EDARADD: variants seen among roughly 807,000 people sequenced by gnomAD.
EDARADD encodes the protein EDAR associated via death domain.
In EDARADD, 20 loss-of-function variants were observed where a neutral mutation model predicts 25.6. The observed-to-expected ratio is 0.78, with a 90% confidence interval of 0.55 to 1.14. The LOEUF is 1.14. Ranked by LOEUF, EDARADD falls within the 50% of genes most tolerant of loss-of-function variation. The pLI, the probability that EDARADD is intolerant of heterozygous loss-of-function variation, is 0.00. For synonymous variants in EDARADD, 86 were observed against 94.4 expected (o/e 0.91, Z 0.52); for missense variants, 225 against 270.1 (o/e 0.83, Z 1.17).
At chr1:236,454,931 G>A (rs1658814548) in intron 4 of EDARADD, among the ~76,000 whole-genome samples, 1 of 152,226 alleles carries the variant, frequency 6.6e-6, no homozygotes, top group Admixed American at 6.5e-5. Context: ...GGATGGAAAG[G>A]CCGTGTGTGG....
rs189723731 is a variant in EDARADD at position 236,428,508 on chromosome 1, G to A, written c.219+1058G>A. Among the ~76,000 whole-genome samples the A allele has an allele frequency of 4.9e-3, 749 of 152,066 alleles. 9 individuals are homozygous for A. The highest frequency in any genetic ancestry group is 0.017 in the African/African-American group (715 of 41,492). ...GGGTACACCGCCCAGACGGGGTGGC[G>A]GCCGGGCAGAGGGGCTCCTCACTTC... On this transcript the variant is annotated intron_variant, in intron 4 of 5. Transcript: ENST00000334232.
At chr1:236,392,491 ATTTTTT>A (rs10649367), upstream of EDARADD, among the ~76,000 whole-genome samples, 1 of 139,630 alleles carries the variant, frequency 7.2e-6, no homozygotes, top group African/African-American at 2.7e-5. Flanking sequence ...TGCTCAGCTA[ATTTTTT>A]TTTTTTTTTG....
At chr1:236,427,496 C>A in intron 4 of EDARADD, 46 bp downstream of exon 4, 1 of 1,543,922 alleles carries the variant, frequency 6.5e-7, no homozygotes, top group Non-Finnish European at 8.8e-7. Flanking sequence ...ACATGATAAT[C>A]CACCTAAAAT....
chr1:236,464,426 T>G (rs12748071), intron 4 of EDARADD, among the ~76,000 whole-genome samples: 16,249 of 75,784 alleles, frequency 0.21, 1,247 homozygotes, highest in Middle Eastern at 0.28. Flanking sequence ...GCTGCAACTT[T>G]TTTTTTTTTT....
In EDARADD at chr1:236,482,553, G is replaced by A; in HGVS notation, c.552G>A (p.Arg184=). ...RTVGQLMELC[R]LYHRADVEKV... ...TGGGCCAGCTGATGGAGCTCTGCAGGCTCTACCACAGGGCCGACGTGGAGA... is the reference window on the plus strand; with the variant it reads ...TGGGCCAGCTGATGGAGCTCTGCAGACTCTACCACAGGGCCGACGTGGAGA... Residue 184 remains arginine (R), a synonymous_variant, in exon 6 of 6, where the codon AGG becomes AGA. Coordinates refer to ENST00000334232, the MANE Select transcript of EDARADD (RefSeq NM_145861.4). The A allele has an allele frequency of 1.2e-6, 2 of 1,613,774 alleles. No homozygotes were observed. Among genetic ancestry groups the A allele is most frequent in the South Asian group, 1.1e-5 (1 of 91,060 alleles).
intron 3 of EDARADD, among the ~76,000 whole-genome samples, chr1:236,422,668 C>CTCT (rs1409185137): frequency 2.0e-5 from 3 of 152,208 alleles, no homozygotes; most frequent in African/African-American, 7.2e-5. Context: ...ATTCCCATTG[C>CTCT]TCTTCACTCA....
intron 4 of EDARADD, among the ~76,000 whole-genome samples, chr1:236,429,158 C>T (rs1011579449): frequency 2.0e-5 from 3 of 149,886 alleles, no homozygotes; most frequent in South Asian, 2.1e-4. Flanking sequence ...AGTCCAGCCT[C>T]GGCTCGGCAT....
At position 236,397,401 on chromosome 1, in the gene EDARADD, A is replaced by AAAATAAAT. The variant is rs35347057; in HGVS notation, c.61+2912_61+2919dup. 1.4e-4 allele frequency among the ~76,000 whole-genome samples: 21 copies of AAAATAAAT among 151,252 alleles called. No individual in the cohort carries two copies. The East Asian group carries it at 1.6e-3, about 11-fold the overall frequency. On this transcript the variant is annotated intron_variant, in intron 1 of 5. Transcript: ENST00000334232. ...GTGACAGAGCAAAAACCTGTATCTC[A>AAAATAAAT]AAATAAATAAATAAATAAATAAAAA... is the stretch of plus-strand genomic sequence containing the variant.
chr1:236,473,993 G>A (rs986243179), intron 5 of EDARADD, among the ~76,000 whole-genome samples: 4 of 152,096 alleles, frequency 2.6e-5, no homozygotes, highest in Non-Finnish European at 5.9e-5. Context: ...ATGGCATCTT[G>A]TCCCTCATCT....
intron 1 of EDARADD, chr1:236,348,376 C>G (rs1666876592): frequency 6.6e-6 from 1 of 152,448 alleles, no homozygotes; most frequent in Non-Finnish European, 1.5e-5. Context: ...GCTGGAGCTC[C>G]CCGACGGCCA....
At chr1:236,454,096 A>T (rs540091467) in intron 4 of EDARADD, among the ~76,000 whole-genome samples, 1 of 151,984 alleles carries the variant, frequency 6.6e-6, no homozygotes, top group African/African-American at 2.4e-5. Flanking sequence ...CCCAGGCTGG[A>T]GTGCAGTGGC....
In EDARADD at chr1:236,478,086, G is replaced by A. The variant is rs149630475; in HGVS notation, c.266-4181G>A. On this transcript the variant is annotated intron_variant, in intron 5 of 5. Coordinates refer to ENST00000334232, the MANE Select transcript of EDARADD (RefSeq NM_145861.4). Reference sequence around the variant, plus strand: ...CCACTGCACTCCAGCCTGGATAGCAGGATGAGACTGTCTCAAAAAAAGAAA... The same window carrying A: ...CCACTGCACTCCAGCCTGGATAGCAAGATGAGACTGTCTCAAAAAAAGAAA... 2.6e-3 allele frequency among the ~76,000 whole-genome samples: 389 copies of A among 152,114 alleles called. 5 individuals carry two copies. Among genetic ancestry groups the A allele is most frequent in the African/African-American group, 8.8e-3 (365 of 41,470 alleles).
chr1:236,360,685 A>G (rs1416322605), intron 3 of EDARADD, among the ~76,000 whole-genome samples: 1 of 151,774 alleles, frequency 6.6e-6, no homozygotes, highest in African/African-American at 2.4e-5. Flanking sequence ...AGCTGGGACC[A>G]CAGGTGTGAG....
chr1:236,454,077 G>T (rs753161881), intron 4 of EDARADD, among the ~76,000 whole-genome samples: 2 of 151,780 alleles, frequency 1.3e-5, no homozygotes, highest in African/African-American at 4.8e-5. Context: ...ACAGAGTCTC[G>T]CTCTGTTGCC....
intron 3 of EDARADD, among the ~76,000 whole-genome samples, chr1:236,374,485 T>G (rs1667203035): frequency 6.6e-6 from 1 of 152,102 alleles, no homozygotes; most frequent in Non-Finnish European, 1.5e-5. Context: ...CCCAGGCTGG[T>G]CTCAAACTCC....
chr1:236,445,818 T>C (rs1658521823), intron 4 of EDARADD, among the ~76,000 whole-genome samples: 1 of 152,242 alleles, frequency 6.6e-6, no homozygotes, highest in African/African-American at 2.4e-5. Context: ...CATCTGTTCA[T>C]GTTCCAGAAG....
intron 3 of EDARADD, among the ~76,000 whole-genome samples, chr1:236,376,033 C>G (rs199753183): frequency 6.8e-6 from 1 of 146,120 alleles, no homozygotes; most frequent in African/African-American, 2.5e-5. Flanking sequence ...CTCTGAGGTT[C>G]GAGCGATTCT....
chr1:236,419,479 A>G (rs1275556469), intron 3 of EDARADD, among the ~76,000 whole-genome samples: 2 of 117,034 alleles, frequency 1.7e-5, no homozygotes, highest in Admixed American at 1.7e-4. Context: ...CTGGGTTAAT[A>G]ATTTTGACAT....
chr1:236,475,549 G>A (rs1035464339), intron 5 of EDARADD, among the ~76,000 whole-genome samples: 1 of 152,104 alleles, frequency 6.6e-6, no homozygotes, highest in South Asian at 2.1e-4. Flanking sequence ...CAGATCACGG[G>A]GTCAGGAGTT....
Sources: allele counts gnomAD v4.1 joint callset (sites outside exome capture counted in the v4.1 genomes callset), GRCh38; gene constraint gnomAD v4.1.1; transcripts MANE v1.5; gene names NCBI Gene and HGNC (gene_info 2026-07-23, HGNC 2026-07-21).